PSAPL1: variants seen among roughly 807,000 people sequenced by gnomAD.
PSAPL1 encodes the protein prosaposin like 1.
For missense variants in PSAPL1, 814 were observed against 688.8 expected (o/e 1.18, Z -2.03); for synonymous variants, 351 against 291.6 (o/e 1.20, Z -2.08).
chr4:7,434,473 G>C lies in PSAPL1; in HGVS notation c.407C>G (p.Ala136Gly), dbSNP rs750307383. 1.2e-6 allele frequency: 2 copies of C among 1,611,542 alleles called. No individual in the cohort carries two copies. Among genetic ancestry groups the C allele is most frequent in the Non-Finnish European group, 1.7e-6 (2 of 1,179,608 alleles). Residue 136 changes from alanine to glycine, a missense_variant, in exon 1 of 1, where the codon GCG becomes GGG. Physicochemically the swap from Ala to Gly is moderately conservative, Grantham distance 60. Transcript: ENST00000319098. ...CTGCAGCGGCTCACAGAGGCTGAGC[G>C]CTGTGCACACCTGTGCCGGGGCACT... ...PDSAPAQVCT[A>G]LSLCEPLQRH...
At position 7,434,784 on chromosome 4, in the gene PSAPL1, C is replaced by T. The variant is rs78978752; in HGVS notation, c.96G>A (p.Val32=). The T allele has an allele frequency of 2.5e-6, 4 of 1,611,586 alleles. No individual in the cohort carries two copies. The African/African-American group carries it at 5.3e-5, about 22-fold the overall frequency. The stretch of plus-strand genomic sequence containing the variant: ...CAGCTGTCTGCAGATCCTGACACCA[C>T]ACCGTGGAGCCCTTTGCACACTCCT... ...GPQECAKGST[V]WCQDLQTAAR... is the part of the protein sequence containing the mutation. Residue 32 remains valine (V), a synonymous_variant, in exon 1 of 1, where the codon GTG becomes GTA. Coordinates refer to ENST00000319098, the MANE Select transcript of PSAPL1 (RefSeq NM_001085382.2).
chr4:7,433,976 G>A, the PSAPL1 span: 17 of 1,613,646 alleles, frequency 1.1e-5, no homozygotes, highest in African/African-American at 1.3e-5. Context: ...TCCAGCTTCT[G>A]CACCACGTTC....
chr4:7,434,582 T>G lies in PSAPL1; in HGVS notation c.298A>C (p.Ser100Arg), dbSNP rs746200637. The G allele has an allele frequency of 6.2e-7, 1 of 1,613,450 alleles. No homozygotes were observed. Among genetic ancestry groups the G allele is most frequent in the Non-Finnish European group, 8.5e-7 (1 of 1,179,768 alleles). ...LVMKTCEWLPSQESSAGCKWM... is the reference protein window; with the variant it reads ...LVMKTCEWLPRQESSAGCKWM... The stretch of plus-strand genomic sequence containing the variant: ...TTGCATCCGGCTGAAGACTCCTGGC[T>G]GGGGAGCCACTCACAGGTCTTCATC... The change falls in exon 1 of 1, where the codon AGC (serine) becomes CGC (arginine). Residue 100 changes from serine (S) to arginine (R), a missense_variant. Transcript: ENST00000319098.
rs748430817 is a variant in PSAPL1 at position 7,433,379 on chromosome 4, C to T, written c.1501G>A (p.Ala501Thr). 90 of 1,487,594 alleles carry T rather than the reference C, an allele frequency of 6.1e-5. No individual in the cohort carries two copies. The highest frequency in any genetic ancestry group is 7.4e-5 in the Non-Finnish European group (83 of 1,119,058). 92.1% of individuals were successfully genotyped at this position (1,487,594 alleles called of 1,614,324 possible). The part of the protein sequence containing the change: ...RSQEAAKLCN[A>T]VQHCQKHVWK... ...ACATGCTTCTGGCAGTGTTGCACAGCGTTGCACAGCTTGGCGGCCTCCTGG... is the reference window on the plus strand; with the variant it reads ...ACATGCTTCTGGCAGTGTTGCACAGTGTTGCACAGCTTGGCGGCCTCCTGG... Residue 501 changes from alanine to threonine, a missense_variant, in exon 1 of 1, where the codon GCT becomes ACT. Ala to Thr is a moderately conservative substitution (Grantham distance 58). Transcript: ENST00000319098.
At chr4:7,434,323 T>TCTTGGCA in the PSAPL1 span, 1 of 1,611,322 alleles carries the variant, frequency 6.2e-7, no homozygotes, top group Non-Finnish European at 8.5e-7. Context: ...CCGTACACAG[T>TCTTGGCA]CTTGGCACAG....
chr4:7,434,498 T>C lies in PSAPL1; in HGVS notation c.382A>G (p.Ser128Gly). Reference sequence around the variant, plus strand: ...GCTGTGCACACCTGTGCCGGGGCACTGTCCGGGGCCCCACGGAGCATGCTC... The same window carrying C: ...GCTGTGCACACCTGTGCCGGGGCACCGTCCGGGGCCCCACGGAGCATGCTC... Reference protein sequence around the residue: ...ILSMLRGAPDSAPAQVCTALS... With the variant: ...ILSMLRGAPDGAPAQVCTALS... The change falls in exon 1 of 1, where the codon AGT becomes GGT. Residue 128 changes from serine to glycine, a missense_variant. Ser to Gly is a moderately conservative substitution (Grantham distance 56). Transcript: ENST00000319098. The C allele has an allele frequency of 6.2e-7, 1 of 1,612,354 alleles. No homozygotes were observed. Among genetic ancestry groups the C allele is most frequent in the Non-Finnish European group, 8.5e-7 (1 of 1,179,674 alleles).
At position 7,433,356 on chromosome 4, in the gene PSAPL1, A is replaced by G. The variant is rs1012934672; in HGVS notation, c.1524T>C (p.His508=). 10 of 1,439,134 alleles carry G rather than the reference A, an allele frequency of 6.9e-6. No individual in the cohort carries two copies. The African/African-American group carries it at 8.6e-5, about 12-fold the overall frequency. The allele number at this position is 1,439,134 out of a possible 1,614,324, so 89.1% of individuals were successfully genotyped here. Residue 508 remains histidine, a synonymous_variant, in exon 1 of 1, where the codon CAT becomes CAC. Coordinates refer to ENST00000319098, the MANE Select transcript of PSAPL1 (RefSeq NM_001085382.2). ...LCNAVQHCQK[H]VWKEMHLHAG... ...CGTGGAGGTGCATCTCTTTCCATAC[A>G]TGCTTCTGGCAGTGTTGCACAGCGT...
chr4:7,432,987 A>G lies in PSAPL1; in HGVS notation c.*327T>C. The G allele has an allele frequency of 4.8e-6, 1 of 208,994 alleles. No homozygotes were observed. Among genetic ancestry groups the G allele is most frequent in the Non-Finnish European group, 9.5e-6 (1 of 105,644 alleles). 12.9% of individuals were successfully genotyped at this position (208,994 alleles called of 1,614,324 possible). A position where few individuals can be genotyped will look rare whatever the true frequency, so the allele number is the denominator to read the frequency against. On this transcript the variant is annotated 3_prime_UTR_variant, in exon 1 of 1. Coordinates refer to ENST00000319098, the MANE Select transcript of PSAPL1 (RefSeq NM_001085382.2). ...CAGATGTCCATCCAGCAGAAGGTAA[A>G]GGGGCACCTGAGCCCATGGGCAGGC...
chr4:7,434,484 C>A lies in PSAPL1; in HGVS notation c.396G>T (p.Gln132His). The change falls in exon 1 of 1, where the codon CAG becomes CAT. Residue 132 changes from glutamine (Q) to histidine (H), a missense_variant. Coordinates refer to ENST00000319098, the MANE Select transcript of PSAPL1 (RefSeq NM_001085382.2). ...LRGAPDSAPA[Q>H]VCTALSLCEP... is the part of the protein sequence containing the mutation. ...CACAGAGGCTGAGCGCTGTGCACAC[C>A]TGTGCCGGGGCACTGTCCGGGGCCC... 1.2e-6 allele frequency: 2 copies of A among 1,611,938 alleles called. No homozygotes were observed. Among genetic ancestry groups the A allele is most frequent in the South Asian group, 2.2e-5 (2 of 90,882 alleles).
rs1052825468 is a variant in PSAPL1 at position 7,430,295 on chromosome 4, C to T, written c.*3019G>A. The T allele has an allele frequency of 4.0e-5, 6 of 151,438 alleles. No individual in the cohort carries two copies. The highest frequency in any genetic ancestry group is 9.7e-5 in the African/African-American group (4 of 41,280). 9.4% of individuals were successfully genotyped at this position (151,438 alleles called of 1,614,324 possible). A position where few individuals can be genotyped will look rare whatever the true frequency, so the allele number is the denominator to read the frequency against. On this transcript the variant is annotated 3_prime_UTR_variant, in exon 1 of 1. Coordinates refer to ENST00000319098, the MANE Select transcript of PSAPL1 (RefSeq NM_001085382.2). ...AAAAAGAGACAGAGAGAGAGAACAT[C>T]GTTGGGTATATTTGTATCTGGTTTG...
In PSAPL1 at chr4:7,434,276, A is replaced by G. The variant is rs759701510; in HGVS notation, c.604T>C (p.Leu202=). ...SRLQEAVRSN[L]TLADLNIQEQ... ...TGGATGTTCAAGTCGGCCAAGGTCA[A>G]GTTGGACCGGACAGCCTCCTGGAGT... The change falls in exon 1 of 1, where the codon TTG becomes CTG. Residue 202 remains leucine, a synonymous_variant. Transcript: ENST00000319098. 1.2e-6 allele frequency: 2 copies of G among 1,613,238 alleles called. No homozygotes were observed. The highest frequency in any genetic ancestry group is 1.7e-6 in the Non-Finnish European group (2 of 1,179,842).
chr4:7,433,266 C>A lies in PSAPL1; in HGVS notation c.*48G>T. On this transcript the variant is annotated 3_prime_UTR_variant, in exon 1 of 1. Coordinates refer to ENST00000319098, the MANE Select transcript of PSAPL1 (RefSeq NM_001085382.2). The stretch of plus-strand genomic sequence containing the variant: ...TGTGAAATGGGGATGGGGAAAGCAC[C>A]CACCTCATGGGCCTCGCTAGCAGGC... 7.5e-7 allele frequency: 1 copy of A among 1,335,852 alleles called. No homozygotes were observed. The highest frequency in any genetic ancestry group is 9.6e-7 in the Non-Finnish European group (1 of 1,042,794). The allele number at this position is 1,335,852 out of a possible 1,614,324, so 82.7% of individuals were successfully genotyped here. A position where few individuals can be genotyped will look rare whatever the true frequency, so the allele number is the denominator to read the frequency against.
rs573810561 is a variant in PSAPL1 at position 7,434,310 on chromosome 4, C to G, written c.570G>C (p.Gln190His). 2 of 1,611,728 alleles carry G rather than the reference C, an allele frequency of 1.2e-6. No homozygotes were observed. Among genetic ancestry groups the G allele is most frequent in the East Asian group, 2.2e-5 (1 of 44,832 alleles). The change falls in exon 1 of 1, where the codon CAG becomes CAC. Residue 190 changes from glutamine (Q) to histidine (H), a missense_variant. Physicochemically the swap from Gln to His is conservative, Grantham distance 24 (BLOSUM62 0). Transcript: ENST00000319098. ...EGALCQDCVR[Q>H]VSRLQEAVRS... is the part of the protein sequence containing the mutation. The stretch of plus-strand genomic sequence containing the variant: ...GGACAGCCTCCTGGAGTCGGGAGAC[C>G]TGCCGTACACAGTCTTGGCACAGAG...
rs764096551 is a variant in PSAPL1, at chr4:7,434,006, C to T, written c.874G>A (p.Val292Met). ...ACGTTCATGCACACCTCACAGGTCACACCGGCCTTCATCTGCATCTCGCTC... is the reference window on the plus strand; with the variant it reads ...ACGTTCATGCACACCTCACAGGTCATACCGGCCTTCATCTGCATCTCGCTC... ...KQSEMQMKAGVTCEVCMNVVQ... is the reference protein window; with the variant it reads ...KQSEMQMKAGMTCEVCMNVVQ... Residue 292 changes from valine (V) to methionine (M), a missense_variant, in exon 1 of 1, where the codon GTG (valine) becomes ATG (methionine). By Grantham distance (21) the Val-to-Met change is conservative. Transcript: ENST00000319098. The T allele has an allele frequency of 2.5e-6, 4 of 1,612,868 alleles. No homozygotes were observed. The Admixed American group carries it at 5.0e-5, about 20-fold the overall frequency.
chr4:7,434,536 C>T lies in PSAPL1; in HGVS notation c.344G>A (p.Ser115Asn). ...AGCKWMVDAH[S>N]SAILSMLRGA... ...ACGGAGCATGCTCAGGATGGCCGAA[C>T]TGTGGGCATCCACCATCCACTTGCA... Residue 115 changes from serine (S) to asparagine (N), a missense_variant, in exon 1 of 1, where the codon AGT becomes AAT. Ser to Asn is a conservative substitution (Grantham distance 46). Transcript: ENST00000319098. 1 of 1,613,188 alleles carries T rather than the reference C, an allele frequency of 6.2e-7. No homozygotes were observed. The highest frequency in any genetic ancestry group is 8.5e-7 in the Non-Finnish European group (1 of 1,179,854).
Position 7,430,715 on chromosome 4 carries a change from G to A in PSAPL1, c.*2599C>T, listed in dbSNP as rs1577548869. The A allele has an allele frequency of 6.6e-6, 1 of 152,326 alleles. No homozygotes were observed. The highest frequency in any genetic ancestry group is 6.5e-5 in the Admixed American group (1 of 15,302). 9.4% of individuals were successfully genotyped at this position (152,326 alleles called of 1,614,324 possible). On this transcript the variant is annotated 3_prime_UTR_variant, in exon 1 of 1. Coordinates refer to ENST00000319098, the MANE Select transcript of PSAPL1 (RefSeq NM_001085382.2). Reference sequence around the variant, plus strand: ...TTGATTTCCCATCCTTGCTGGGATGGGTCTCCCAAACTTCTAGGCCCAGTA... The same window carrying A: ...TTGATTTCCCATCCTTGCTGGGATGAGTCTCCCAAACTTCTAGGCCCAGTA...
Position 7,433,604 on chromosome 4 carries a change from C to A in PSAPL1, c.1276G>T (p.Gly426Cys), listed in dbSNP as rs764474969. 3.7e-6 allele frequency: 6 copies of A among 1,611,702 alleles called. No individual in the cohort carries two copies. The highest frequency in any genetic ancestry group is 2.2e-5 in the South Asian group (2 of 90,766). ...KRDILVAFKG[G>C]CSILPLPYMI... ...TAGGGCAGCGGCAGGATGCTGCAGCCACCCTTGAAGGCCACCAGGATGTCT... is the reference window on the plus strand; with the variant it reads ...TAGGGCAGCGGCAGGATGCTGCAGCAACCCTTGAAGGCCACCAGGATGTCT... The change falls in exon 1 of 1, where the codon GGC becomes TGC. Residue 426 changes from glycine to cysteine, a missense_variant. Gly to Cys is a radical substitution (Grantham distance 159, BLOSUM62 -3). Coordinates refer to ENST00000319098, the MANE Select transcript of PSAPL1 (RefSeq NM_001085382.2).
chr4:7,434,896 C>A lies in PSAPL1; in HGVS notation c.-17G>T. 1 of 1,532,876 alleles carries A rather than the reference C, an allele frequency of 6.5e-7. No individual in the cohort carries two copies. Among genetic ancestry groups the A allele is most frequent in the South Asian group, 1.2e-5 (1 of 80,832 alleles). 95.0% of individuals were successfully genotyped at this position (1,532,876 alleles called of 1,614,324 possible). On this transcript the variant is annotated 5_prime_UTR_variant, in exon 1 of 1. Transcript: ENST00000319098. Reference sequence around the variant, plus strand: ...ACACAGCATGCTGCCCAGGGACTCTCTGGCTCCAGAGTACCCAGCAGTGGC... The same window carrying A: ...ACACAGCATGCTGCCCAGGGACTCTATGGCTCCAGAGTACCCAGCAGTGGC...
In PSAPL1 at chr4:7,433,363, T is replaced by C; in HGVS notation, c.1517A>G (p.Gln506Arg). ...AKLCNAVQHC[Q>R]KHVWKEMHLH... ...GTGCATCTCTTTCCATACATGCTTC[T>C]GGCAGTGTTGCACAGCGTTGCACAG... Residue 506 changes from glutamine (Q) to arginine (R), a missense_variant, in exon 1 of 1, where the codon CAG (glutamine) becomes CGG (arginine). Gln to Arg is a conservative substitution (Grantham distance 43). Coordinates refer to ENST00000319098, the MANE Select transcript of PSAPL1 (RefSeq NM_001085382.2). 2 of 1,451,408 alleles carry C rather than the reference T, an allele frequency of 1.4e-6. No individual in the cohort carries two copies. Among genetic ancestry groups the C allele is most frequent in the Non-Finnish European group, 1.8e-6 (2 of 1,099,334 alleles). The allele number at this position is 1,451,408 out of a possible 1,614,324, so 89.9% of individuals were successfully genotyped here.
Sources: allele counts gnomAD v4.1 joint callset, GRCh38; gene constraint gnomAD v4.1.1; transcripts MANE v1.5; gene names NCBI Gene and HGNC (gene_info 2026-07-23, HGNC 2026-07-21).